CDHR2: variants seen among roughly 807,000 people sequenced by gnomAD.
The protein encoded by CDHR2 is cadherin-related family member 2.
CDHR2 carries 104 observed loss-of-function variants against 138.6 expected under a neutral mutation model. That is an observed-to-expected ratio of 0.75 (90% CI 0.64 to 0.88). The LOEUF is 0.88. CDHR2 is among the 40% of genes least tolerant of loss of function. The pLI is 0.00. For synonymous variants in CDHR2, 755 were observed against 742.8 expected (o/e 1.02, Z -0.27); for missense variants, 1,624 against 1,727.6 (o/e 0.94, Z 1.06).
At chr5:176,544,382 T>TTC (rs397745001), upstream of CDHR2, among the ~76,000 whole-genome samples, 3 of 149,500 alleles carry the variant, frequency 2.0e-5, no homozygotes, top group Non-Finnish European at 4.5e-5. Flanking sequence ...TTCCTTTTTT[T>TTC]CTTCCTTTTT....
rs534079837 is a variant in CDHR2 at position 176,569,385 on chromosome 5, G to A, written c.315+375G>A. Among the ~76,000 whole-genome samples the A allele has an allele frequency of 1.9e-3, 295 of 151,344 alleles. 2 individuals carry two copies. Among genetic ancestry groups the A allele is most frequent in the Non-Finnish European group, 3.2e-3 (218 of 67,890 alleles). On this transcript the variant is annotated intron_variant, in intron 5 of 31. Coordinates refer to ENST00000261944, the MANE Select transcript of CDHR2 (RefSeq NM_017675.6). ...TGCAAGCTCCGCCTCCTGGGTTGAC[G>A]CCATTCTCCTGCCTCAGCCTCCCGA...
intron 31 of CDHR2, 147 bp downstream of exon 31, chr5:176,592,927 G>A (rs1758924352): frequency 1.4e-6 from 1 of 716,620 alleles, no homozygotes; most frequent in Middle Eastern, 3.2e-4. Flanking sequence ...GCTTTGGAAT[G>A]GGGTCCAATT....
rs1481754761 is a variant in CDHR2, at chr5:176,589,631, C to G, written c.3206+15C>G. On this transcript the variant is annotated intron_variant, in intron 24 of 31. Transcript: ENST00000261944. ...GCGATTAATGCGTAGGTCTGGGGAG[C>G]CCCGGAGGGAGGGGTAGGAAGAACA... The G allele has an allele frequency of 6.2e-7, 1 of 1,612,230 alleles. No homozygotes were observed. The highest frequency in any genetic ancestry group is 1.1e-5 in the South Asian group (1 of 91,042).
chr5:176,567,005 T>C, intron 3 of CDHR2: 1 of 456,016 alleles, frequency 2.2e-6, no homozygotes, highest in South Asian at 1.5e-5. Context: ...CACCAAGGGG[T>C]ATTGACAAAT....
chr5:176,548,366 T>G (rs1012619833), upstream of CDHR2, among the ~76,000 whole-genome samples: 1 of 152,222 alleles, frequency 6.6e-6, no homozygotes, highest in Non-Finnish European at 1.5e-5. Flanking sequence ...GTGTCAACTG[T>G]GATGGCTGGG....
intron 5 of CDHR2, 37 bp downstream of exon 5, chr5:176,569,047 C>A: frequency 6.2e-7 from 1 of 1,605,084 alleles, no homozygotes; most frequent in Non-Finnish European, 8.5e-7. Context: ...ACAGGGATTG[C>A]GAGAGTCCAT....
intron 31 of CDHR2, among the ~76,000 whole-genome samples, chr5:176,593,254 G>A (rs947553170): frequency 9.9e-5 from 15 of 152,210 alleles, no homozygotes; most frequent in Admixed American, 2.6e-4. Context: ...GAGTTGGTTG[G>A]ATGAGATCAA....
intron 1 of CDHR2, among the ~76,000 whole-genome samples, chr5:176,552,697 T>A (rs1757733337): frequency 6.6e-6 from 1 of 152,170 alleles, no homozygotes; most frequent in South Asian, 2.1e-4. Context: ...CTCATCATGA[T>A]CATGAGGAGG....
Position 176,589,390 on chromosome 5 carries a change from G to A in CDHR2, c.3069G>A (p.Arg1023=), listed in dbSNP as rs755678523. The change falls in exon 23 of 32, where the codon AGG becomes AGA. Residue 1023 remains arginine (R), a synonymous_variant. Transcript: ENST00000261944. ...QGTYQVTVQA[R]DRPSLGPFLE... Reference sequence around the variant, plus strand: ...CCTACCAAGTGACAGTCCAGGCCAGGGACAGACCTTCCTTGGGTCCTTTCC... The same window carrying A: ...CCTACCAAGTGACAGTCCAGGCCAGAGACAGACCTTCCTTGGGTCCTTTCC... 1 of 1,571,692 alleles carries A rather than the reference G, an allele frequency of 6.4e-7. No individual in the cohort carries two copies. The highest frequency in any genetic ancestry group is 8.6e-7 in the Non-Finnish European group (1 of 1,157,100).
chr5:176,562,203 G>A (rs1757982881), intron 1 of CDHR2, among the ~76,000 whole-genome samples: 1 of 152,184 alleles, frequency 6.6e-6, no homozygotes, highest in African/African-American at 2.4e-5. Context: ...GAAAAGATTA[G>A]ATTATGTGCA....
chr5:176,570,692 C>T (rs912612242), intron 5 of CDHR2, among the ~76,000 whole-genome samples: 2 of 152,202 alleles, frequency 1.3e-5, no homozygotes. Context: ...TGGTGCACGC[C>T]TGTAATCCCA....
At chr5:176,546,881 GA>G (rs1397118115), upstream of CDHR2, among the ~76,000 whole-genome samples, 2 of 151,610 alleles carry the variant, frequency 1.3e-5, no homozygotes, top group Non-Finnish European at 1.5e-5. Flanking sequence ...CCTTTCCTCA[GA>G]AACACTTCTC....
chr5:176,575,194 G>A lies in CDHR2; in HGVS notation c.606G>A (p.Leu202=). 1.2e-6 allele frequency: 2 copies of A among 1,614,216 alleles called. No individual in the cohort carries two copies. The highest frequency in any genetic ancestry group is 8.5e-7 in the Non-Finnish European group (1 of 1,180,042). The change falls in exon 8 of 32, where the codon CTG becomes CTA. Residue 202 remains leucine (L), a synonymous_variant. Coordinates refer to ENST00000261944, the MANE Select transcript of CDHR2 (RefSeq NM_017675.6). ...ACAACAAGAGCGCTTTCTACCAGCT[G>A]GAGCTGAAGGCCTGTGTGAGTGGGG... ...SYNNKSAFYQ[L]ELKACDLGGM...
Position 176,543,037 on chromosome 5 carries a change from G to T in CDHR2, c.-16+268G>T, listed in dbSNP as rs959144163. ...ACGCGGGGGCTCGGAGTTCCCCGGG[G>T]CTCCCCGAGTTGGGGCGTTTGGACC... On this transcript the variant is annotated intron_variant, in intron 1 of 31. Coordinates refer to the CDHR2 transcript ENST00000510636. The surrounding 1 kb of genome is among the most constrained non-coding windows in gnomAD (Gnocchi z 4.0). 6.6e-6 allele frequency among the ~76,000 whole-genome samples: 1 copy of T among 151,862 alleles called. No homozygotes were observed. The highest frequency in any genetic ancestry group is 1.5e-5 in the Non-Finnish European group (1 of 67,884).
chr5:176,591,353 G>T (rs1384882073), intron 29 of CDHR2, 30 bp downstream of exon 29: 1 of 1,610,678 alleles, frequency 6.2e-7, no homozygotes, highest in Non-Finnish European at 8.5e-7. Flanking sequence ...TAGGTAAGAG[G>T]CCTGGTGGGG....
At position 176,589,113 on chromosome 5, in the gene CDHR2, C is replaced by T. The variant is rs774704193; in HGVS notation, c.2939C>T (p.Thr980Ile). 3 of 1,614,098 alleles carry T rather than the reference C, an allele frequency of 1.9e-6. No individual in the cohort carries two copies. The highest frequency in any genetic ancestry group is 1.7e-6 in the Non-Finnish European group (2 of 1,179,992). The change falls in exon 22 of 32, where the codon ACC becomes ATC. Residue 980 changes from threonine (T) to isoleucine (I), a missense_variant. This residue lies in a region of CDHR2 where 556 missense variants were observed against 565.7 expected (regional missense o/e 0.98). Transcript: ENST00000261944. ...GACTTCATCTCTAAGGACGGGGCCA[C>T]CATCCCTTTCCAGGGTGTCTTCTCG... ...RVDFISKDGA[T>I]IPFQGVFSIF...
intron 19 of CDHR2, 146 bp from the exon 20 acceptor site, chr5:176,585,808 G>A (rs59105839): frequency 1.4e-5 from 9 of 660,026 alleles, no homozygotes; most frequent in African/African-American, 7.2e-5. Context: ...ACGGGGTTGA[G>A]GCTGCGGGGC....
rs756678083 is a variant in CDHR2, at chr5:176,589,161, ACGTGTT to A, written c.2990_2995del (p.Val997_Phe998del). ...TCGATCTTCACCTCCTCCGAGGCCG[ACGTGTT>A]CGCTGGGAGCATTCAGTAACTGCGG... On this transcript the variant is annotated inframe_deletion, in exon 22 of 32. Transcript: ENST00000261944. 6.2e-7 allele frequency: 1 copy of A among 1,614,040 alleles called. No individual in the cohort carries two copies. Among genetic ancestry groups the A allele is most frequent in the South Asian group, 1.1e-5 (1 of 91,086 alleles).
In CDHR2 at chr5:176,586,764, G is replaced by A. The variant is rs369636271; in HGVS notation, c.2807-29G>A. 3.5e-5 allele frequency: 55 copies of A among 1,589,830 alleles called. 1 individual carries two copies. In the Middle Eastern group the frequency reaches 1.2e-3, roughly 34 times the overall value. On this transcript the variant is annotated intron_variant, in intron 20 of 31. Transcript: ENST00000261944. ...TCCAGGTGGGCAGTGTCCCGACCCC[G>A]CTGACCCCGTTCCCGTTCACACCTG...
Sources: allele counts gnomAD v4.1 joint callset (sites outside exome capture counted in the v4.1 genomes callset), GRCh38; gene constraint gnomAD v4.1.1; regional missense constraint gnomAD v4.1.1; non-coding constraint Gnocchi (gnomAD v3.1); transcripts MANE v1.5; gene names NCBI Gene and HGNC (gene_info 2026-07-23, HGNC 2026-07-21).